The following REDIC1 variants were observed in gnomAD, a reference collection of about 807,000 sequenced individuals.
REDIC1 encodes the protein HEI10 Interacting Protein 1.
the REDIC1 span, chr12:39,830,382 A>C: frequency 5.7e-6 from 8 of 1,400,516 alleles, no homozygotes; most frequent in East Asian, 2.1e-4. Flanking sequence ...ACATGCGCTG[A>C]GCCAGGTGAG....
At chr12:39,900,732 A>G in the REDIC1 span, among the ~76,000 whole-genome samples, 1 of 152,226 alleles carries the variant, frequency 6.6e-6, no homozygotes, top group Non-Finnish European at 1.5e-5. Flanking sequence ...ATGGGTAGGA[A>G]GAATCAATAT....
the REDIC1 span, among the ~76,000 whole-genome samples, chr12:39,690,195 A>C: frequency 6.6e-6 from 1 of 152,206 alleles, no homozygotes; most frequent in African/African-American, 2.4e-5. Flanking sequence ...GCTGAGGAAG[A>C]ATTGATGAAG....
chr12:39,712,690 CG>C, the REDIC1 span, among the ~76,000 whole-genome samples: 1 of 3,408 alleles, frequency 2.9e-4, no homozygotes, highest in African/African-American at 2.8e-3. Flanking sequence ...TGTATATATA[CG>C]TATACGTGTA....
At chr12:39,824,683 T>A in the REDIC1 span, among the ~76,000 whole-genome samples, 1 of 152,122 alleles carries the variant, frequency 6.6e-6, no homozygotes, top group Admixed American at 6.5e-5. Context: ...TGTGAGGTGT[T>A]CCAGTAGGAC....
At chr12:39,653,558 T>TTCTTCTTTTTCTTCTTCTTCTTCTTC in the REDIC1 span, among the ~76,000 whole-genome samples, 1 of 43,844 alleles carries the variant, frequency 2.3e-5, no homozygotes. Flanking sequence ...CTTCTTCTTC[T>TTCTTCTTTTTCTTCTTCTTCTTCTTC]TTCTTCTTCT....
At chr12:39,713,569 C>A in the REDIC1 span, among the ~76,000 whole-genome samples, 1 of 146,986 alleles carries the variant, frequency 6.8e-6, no homozygotes, top group African/African-American at 2.5e-5. Context: ...CATGTGTACG[C>A]GTACATATGT....
At chr12:39,703,288 C>T in the REDIC1 span, among the ~76,000 whole-genome samples, 5 of 148,464 alleles carry the variant, frequency 3.4e-5, no homozygotes, top group Admixed American at 1.3e-4. Context: ...TATACACCAA[C>T]AACAGACAAA....
the REDIC1 span, among the ~76,000 whole-genome samples, chr12:39,689,419 A>G: frequency 8.5e-5 from 13 of 152,192 alleles, no homozygotes; most frequent in African/African-American, 3.1e-4. Flanking sequence ...GGTAAGTTTG[A>G]CCCACTGAGC....
At chr12:39,648,061 TTTAC>T in the REDIC1 span, 1 of 1,020,022 alleles carries the variant, frequency 9.8e-7, no homozygotes, top group Non-Finnish European at 1.3e-6. Context: ...ATTTAAAATA[TTTAC>T]ATTTTGAATT....
chr12:39,752,712 A>T, the REDIC1 span, among the ~76,000 whole-genome samples: 1 of 152,188 alleles, frequency 6.6e-6, no homozygotes, highest in Non-Finnish European at 1.5e-5. Context: ...CAAGCATACC[A>T]GGCAGAGACA....
chr12:39,882,115 C>A, the REDIC1 span, among the ~76,000 whole-genome samples: 1 of 152,086 alleles, frequency 6.6e-6, no homozygotes, highest in Admixed American at 6.6e-5. Flanking sequence ...TTTTTATTAT[C>A]CATCATCACT....
At chr12:39,901,416 G>A in the REDIC1 span, among the ~76,000 whole-genome samples, 1 of 146,622 alleles carries the variant, frequency 6.8e-6, no homozygotes. Context: ...CCTACAACAT[G>A]GGAGAAAATT....
chr12:39,806,160 A>C, the REDIC1 span, among the ~76,000 whole-genome samples: 2 of 152,192 alleles, frequency 1.3e-5, no homozygotes, highest in Non-Finnish European at 2.9e-5. Context: ...TTCACAAACT[A>C]AAAATTAAGA....
chr12:39,864,720 A>C, the REDIC1 span: 1 of 1,601,108 alleles, frequency 6.2e-7, no homozygotes, highest in Non-Finnish European at 8.5e-7. Flanking sequence ...CAAAAAAGTT[A>C]CCAGAGTCAT....
the REDIC1 span, among the ~76,000 whole-genome samples, chr12:39,691,706 C>G: frequency 6.6e-6 from 1 of 152,114 alleles, no homozygotes; most frequent in Non-Finnish European, 1.5e-5. Flanking sequence ...GATGATCTAA[C>G]TTAGGAAATT....
the REDIC1 span, among the ~76,000 whole-genome samples, chr12:39,653,585 C>CTTCTTTCTTTTTCTTCTTT: frequency 1.3e-5 from 1 of 75,196 alleles, no homozygotes; most frequent in Non-Finnish European, 2.7e-5. Context: ...TCTTCCTCTT[C>CTTCTTTCTTTTTCTTCTTT]TTCTTCCTCT....
the REDIC1 span, among the ~76,000 whole-genome samples, chr12:39,812,446 C>CTCTT: frequency 7.2e-3 from 1,037 of 143,364 alleles, 14 homozygotes; most frequent in African/African-American, 0.025. Flanking sequence ...TTTCTTTCTT[C>CTCTT]TCTTTCTTTC....
the REDIC1 span, among the ~76,000 whole-genome samples, chr12:39,652,562 G>A: frequency 0.023 from 3,548 of 152,072 alleles, 57 homozygotes; most frequent in Middle Eastern, 0.068. Flanking sequence ...TTTATTACTG[G>A]TACCTTTTTG....
chr12:39,699,381 C>T, the REDIC1 span, among the ~76,000 whole-genome samples: 8 of 152,166 alleles, frequency 5.3e-5, no homozygotes, highest in Admixed American at 2.0e-4. Context: ...CCGAATACTG[C>T]GCTTTTCCGA....
Sources: allele counts gnomAD v4.1 joint callset (sites outside exome capture counted in the v4.1 genomes callset), GRCh38; gene constraint gnomAD v4.1.1; transcripts MANE v1.5; gene names NCBI Gene and HGNC (gene_info 2026-07-23, HGNC 2026-07-21).